Variants in JAML observed in about 807,000 individuals in gnomAD.
JAML encodes junction adhesion molecule like, also known as junctional adhesion molecule-like.
In JAML, 25 loss-of-function variants were observed where a neutral mutation model predicts 39.3. The ratio of observed to expected loss-of-function variants is 0.64; its 90% confidence interval spans 0.46 to 0.89. The LOEUF is 0.89. Ranked by LOEUF, JAML falls within the 40% of genes least tolerant of loss-of-function variation. JAML has a pLI of 0.00. For missense variants in JAML, 440 were observed against 486.9 expected (o/e 0.90, Z 0.91); for synonymous variants, 162 against 179.2 (o/e 0.90, Z 0.77).
At chr11:118,219,399 G>T (rs958699696) in intron 1 of JAML, among the ~76,000 whole-genome samples, 1 of 152,118 alleles carries the variant, frequency 6.6e-6, no homozygotes, top group African/African-American at 2.4e-5. Context: ...AATGAGGAGG[G>T]GTCCCAGCTG....
intron 1 of JAML, among the ~76,000 whole-genome samples, chr11:118,219,207 C>G (rs1026841407): frequency 6.6e-6 from 1 of 152,126 alleles, no homozygotes; most frequent in Non-Finnish European, 1.5e-5. Flanking sequence ...AAATGCAAAT[C>G]AAACCCACAA....
chr11:118,194,257 G>A lies in JAML; in HGVS notation c.*68C>T, dbSNP rs1948605993. Reference sequence around the variant, plus strand: ...GAGCGGGAGTCTGAAATCACTGGTAGAGTGGCCCAGGACACACACAGGAGA... The same window carrying A: ...GAGCGGGAGTCTGAAATCACTGGTAAAGTGGCCCAGGACACACACAGGAGA... On this transcript the variant is annotated 3_prime_UTR_variant, in exon 10 of 10. Coordinates refer to ENST00000356289, the MANE Select transcript of JAML (RefSeq NM_001098526.2). 10 of 1,365,128 alleles carry A rather than the reference G, an allele frequency of 7.3e-6. No individual in the cohort carries two copies. The highest frequency in any genetic ancestry group is 1.2e-5 in the South Asian group (1 of 85,370). The allele number at this position is 1,365,128 out of a possible 1,614,324, so 84.6% of individuals were successfully genotyped here. A position where few individuals can be genotyped will look rare whatever the true frequency, so the allele number is the denominator to read the frequency against.
chr11:118,220,445 C>T (rs1300537935), intron 1 of JAML, among the ~76,000 whole-genome samples: 1 of 152,180 alleles, frequency 6.6e-6, no homozygotes, highest in African/African-American at 2.4e-5. Context: ...TCCAGTCCCA[C>T]CATGGGACAA....
rs1162318993 is a variant in JAML at position 118,215,147 on chromosome 11, T to C, written c.-20-261A>G. Among the ~76,000 whole-genome samples, 4 of 152,216 alleles carry C rather than the reference T, an allele frequency of 2.6e-5. No homozygotes were observed. In the East Asian group the frequency reaches 7.7e-4, roughly 29 times the overall value. On this transcript the variant is annotated intron_variant, in intron 1 of 9. Transcript: ENST00000356289. Reference sequence around the variant, plus strand: ...GCTATGATGAAACAAAACAGAGTAGTGTTTGAAGAGTCACTTGGGGGCTGC... The same window carrying C: ...GCTATGATGAAACAAAACAGAGTAGCGTTTGAAGAGTCACTTGGGGGCTGC...
At chr11:118,216,098 C>G (rs1949136915) in intron 1 of JAML, among the ~76,000 whole-genome samples, 1 of 152,136 alleles carries the variant, frequency 6.6e-6, no homozygotes, top group East Asian at 1.9e-4. Context: ...TTGGCCGGGC[C>G]TGGTGGCTCA....
intron 1 of JAML, among the ~76,000 whole-genome samples, chr11:118,219,202 CA>C (rs1949181898): frequency 6.6e-6 from 1 of 152,096 alleles, no homozygotes; most frequent in African/African-American, 2.4e-5. Flanking sequence ...CATGGAAATG[CA>C]AATCAAACCC....
chr11:118,203,638 T>G lies in JAML; in HGVS notation c.562A>C (p.Lys188Gln), dbSNP rs1326282097. 1 of 1,613,712 alleles carries G rather than the reference T, an allele frequency of 6.2e-7. No individual in the cohort carries two copies. Among genetic ancestry groups the G allele is most frequent in the Non-Finnish European group, 8.5e-7 (1 of 1,179,784 alleles). ...GAGTACTCCACAGACATCCTGAGTTTGTGGTAGTAACGAAATACAATCTCC... is the reference window on the plus strand; with the variant it reads ...GAGTACTCCACAGACATCCTGAGTTGGTGGTAGTAACGAAATACAATCTCC... ...KEEIVFRYYH[K>Q]LRMSVEYSQS... Residue 188 changes from lysine (K) to glutamine (Q), a missense_variant, in exon 6 of 10, where the codon AAA becomes CAA. Physicochemically the swap from Lys to Gln is moderately conservative, Grantham distance 53 (BLOSUM62 1). Transcript: ENST00000356289.
chr11:118,202,981 T>C, intron 6 of JAML: 1 of 457,568 alleles, frequency 2.2e-6, no homozygotes, highest in Admixed American at 2.3e-5. Context: ...TTGGTTCTGG[T>C]GCCTGCATGT....
At chr11:118,200,399 C>T in intron 7 of JAML, 75 bp downstream of exon 7, 1 of 1,552,798 alleles carries the variant, frequency 6.4e-7, no homozygotes, top group South Asian at 1.1e-5. Flanking sequence ...GGCCCTATCA[C>T]CCTGTTCTAC....
rs753671009 is a variant in JAML at position 118,205,923 on chromosome 11, C to T, written c.493G>A (p.Val165Met). The change falls in exon 5 of 10, where the codon GTG (valine) becomes ATG (methionine). Residue 165 changes from valine to methionine, a missense_variant. Transcript: ENST00000356289. ...CVFQSTEVKH[V>M]TKVEWIFSGR... ...GAAAATATCCATTCTACCTTGGTCA[C>T]GTGTTTCACTTCTGTGCTCTGGAAA... The T allele has an allele frequency of 3.1e-6, 5 of 1,614,156 alleles. No individual in the cohort carries two copies. Among genetic ancestry groups the T allele is most frequent in the East Asian group, 2.2e-5 (1 of 44,886 alleles).
In JAML at chr11:118,212,507, T is replaced by A; in HGVS notation, c.98A>T (p.His33Leu). The A allele has an allele frequency of 6.2e-7, 1 of 1,614,184 alleles. No individual in the cohort carries two copies. The highest frequency in any genetic ancestry group is 8.5e-7 in the Non-Finnish European group (1 of 1,180,022). Residue 33 changes from histidine to leucine, a missense_variant, in exon 3 of 10, where the codon CAT becomes CTT. Transcript: ENST00000356289. ...LNVSPPELTV[H>L]VGDSALMGCV... ...TCCCATCAGAGCTGAATCACCCACATGGACTGTTAGCTCAGGCGGGGAAAC... is the reference window on the plus strand; with the variant it reads ...TCCCATCAGAGCTGAATCACCCACAAGGACTGTTAGCTCAGGCGGGGAAAC...
Position 118,210,558 on chromosome 11 carries a change from A to T in JAML, c.353T>A (p.Ile118Asn). Residue 118 changes from isoleucine to asparagine, a missense_variant, in exon 4 of 10, where the codon ATC becomes AAC. Ile to Asn is a moderately radical substitution (Grantham distance 149). Coordinates refer to ENST00000356289, the MANE Select transcript of JAML (RefSeq NM_001098526.2). ...EADQGTYICE[I>N]RLKGESQVFK... The stretch of plus-strand genomic sequence containing the variant: ...CACCTGGCTCTCCCCTTTGAGGCGG[A>T]TTTCACAGATATAGGTTCCCTGGTC... 4 of 1,614,142 alleles carry T rather than the reference A, an allele frequency of 2.5e-6. No homozygotes were observed. The highest frequency in any genetic ancestry group is 3.4e-6 in the Non-Finnish European group (4 of 1,180,004).
At chr11:118,204,089 C>T (rs1461902082) in intron 5 of JAML, 1 of 192,262 alleles carries the variant, frequency 5.2e-6, no homozygotes, top group Admixed American at 5.3e-5. Flanking sequence ...GCAATGCTTT[C>T]CTCCAGATAC....
At chr11:118,224,066 T>G (rs1291175740) in intron 1 of JAML, 1 of 152,186 alleles carries the variant, frequency 6.6e-6, no homozygotes, top group African/African-American at 2.4e-5. Context: ...ACTTCTAGGC[T>G]CTCAGATGTT....
intron 1 of JAML, among the ~76,000 whole-genome samples, chr11:118,216,892 A>AC (rs1284026914): frequency 2.6e-5 from 4 of 152,154 alleles, no homozygotes; most frequent in Non-Finnish European, 5.9e-5. Context: ...GCTCCGTGCC[A>AC]CCCACCTTGC....
intron 1 of JAML, 62 bp downstream of exon 1, chr11:118,224,879 G>T (rs995680911): frequency 2.6e-5 from 4 of 152,202 alleles, no homozygotes; most frequent in African/African-American, 9.7e-5. Context: ...CTTCAGGACT[G>T]GCACACTTCT....
At chr11:118,195,296 C>T (rs1328653481) in intron 9 of JAML, among the ~76,000 whole-genome samples, 1 of 152,086 alleles carries the variant, frequency 6.6e-6, no homozygotes, top group Non-Finnish European at 1.5e-5. Context: ...ATGTTTCACT[C>T]GGTGGATCCA....
At chr11:118,206,017 C>T (rs370404427) in intron 4 of JAML, 26 bp from the exon 5 acceptor site, 22 of 1,567,280 alleles carry the variant, frequency 1.4e-5, no homozygotes, top group Admixed American at 1.7e-5. Flanking sequence ...TAAATCAAGT[C>T]AGACTCAAGT....
chr11:118,222,724 G>A lies in JAML; in HGVS notation c.-21+2217C>T, dbSNP rs963483680. Reference sequence around the variant, plus strand: ...TTTTGGTGGGAGGTTATAAGAAGGCGTGTGAATATGGTTTCTGTTAAAGAG... The same window carrying A: ...TTTTGGTGGGAGGTTATAAGAAGGCATGTGAATATGGTTTCTGTTAAAGAG... On this transcript the variant is annotated intron_variant, in intron 1 of 9. Coordinates refer to ENST00000356289, the MANE Select transcript of JAML (RefSeq NM_001098526.2). The surrounding 1 kb of genome is among the most constrained non-coding windows in gnomAD (Gnocchi z 4.2). Among the ~76,000 whole-genome samples, 5 of 152,146 alleles carry A rather than the reference G, an allele frequency of 3.3e-5. No homozygotes were observed. The highest frequency in any genetic ancestry group is 3.9e-4 in the East Asian group (2 of 5,192).
Sources: allele counts gnomAD v4.1 joint callset (sites outside exome capture counted in the v4.1 genomes callset), GRCh38; gene constraint gnomAD v4.1.1; non-coding constraint Gnocchi (gnomAD v3.1); transcripts MANE v1.5; gene names NCBI Gene and HGNC (gene_info 2026-07-23, HGNC 2026-07-21).